BDH1: variants seen among roughly 807,000 people sequenced by gnomAD.
BDH1 encodes D-beta-hydroxybutyrate dehydrogenase, mitochondrial.
A neutral mutation model predicts 33.1 loss-of-function variants in BDH1; 30 were observed. That is an observed-to-expected ratio of 0.91 (90% CI 0.68 to 1.23). BDH1 has a LOEUF of 1.23. BDH1 is among the 50% of genes most tolerant of loss of function. The pLI, the probability that BDH1 is intolerant of heterozygous loss-of-function variation, is 0.00. For synonymous variants in BDH1, 190 were observed against 183.6 expected (o/e 1.03, Z -0.28); for missense variants, 443 against 464.4 (o/e 0.95, Z 0.42).
chr3:197,523,819 C>T lies in BDH1; in HGVS notation c.268-1038G>A, dbSNP rs1014141900. On this transcript the variant is annotated intron_variant, in intron 5 of 7. Coordinates refer to ENST00000392379, the MANE Select transcript of BDH1 (RefSeq NM_203314.3). This position sits in a 1 kb window ranked among gnomAD's most constrained non-coding sequence, Gnocchi z 4.5. Reference sequence around the variant, plus strand: ...GCTGAGGACATTCACAAGAGGGGGCCGATGGGGACGGGGCACTGTGGGAAG... The same window carrying T: ...GCTGAGGACATTCACAAGAGGGGGCTGATGGGGACGGGGCACTGTGGGAAG... 1.1e-4 allele frequency among the ~76,000 whole-genome samples: 16 copies of T among 151,980 alleles called. No homozygotes were observed. The highest frequency in any genetic ancestry group is 3.6e-4 in the African/African-American group (15 of 41,350).
rs1234253418 is a variant in BDH1, at chr3:197,516,293, C to T, written c.410-1877G>A. ...CAGCCGTTTTGTGTTTGATTCATAA[C>T]GGACAATATCCCATGACTTAAAATG... On this transcript the variant is annotated intron_variant, in intron 6 of 7. Transcript: ENST00000392379. This position sits in a 1 kb window ranked among gnomAD's most constrained non-coding sequence, Gnocchi z 4.2. Among the ~76,000 whole-genome samples the T allele has an allele frequency of 5.9e-5, 9 of 152,134 alleles. No homozygotes were observed. Among genetic ancestry groups the T allele is most frequent in the East Asian group, 3.9e-4 (2 of 5,184 alleles).
At chr3:197,552,754 T>C (rs925198926) in intron 2 of BDH1, among the ~76,000 whole-genome samples, 2 of 152,230 alleles carry the variant, frequency 1.3e-5, no homozygotes, top group African/African-American at 4.8e-5. Context: ...CTTGGCACTT[T>C]ATTACATTAT....
intron 3 of BDH1, chr3:197,534,273 T>G (rs1263105580): frequency 6.6e-6 from 1 of 152,236 alleles, no homozygotes; most frequent in Non-Finnish European, 1.5e-5. Context: ...ACAAATCTGT[T>G]CCCCATCTCT....
chr3:197,527,540 A>G (rs999972448), intron 5 of BDH1, among the ~76,000 whole-genome samples: 1 of 152,080 alleles, frequency 6.6e-6, no homozygotes, highest in African/African-American at 2.4e-5. Context: ...GCCCCCGTTC[A>G]TCTTTCCAGA....
intron 2 of BDH1, among the ~76,000 whole-genome samples, chr3:197,549,986 T>TATATATA (rs3061417): frequency 6.7e-6 from 1 of 149,492 alleles, no homozygotes; most frequent in African/African-American, 2.5e-5. Context: ...TATATATATA[T>TATATATA]TTGGCCATTC....
At chr3:197,536,929 A>G (rs1046867328) in intron 3 of BDH1, among the ~76,000 whole-genome samples, 5 of 152,054 alleles carry the variant, frequency 3.3e-5, no homozygotes, top group Admixed American at 2.0e-4. Flanking sequence ...TGTTACATCT[A>G]TTTCTCTCTT....
rs1391538872 is a variant in BDH1, at chr3:197,520,622, C to T, written c.409+2018G>A. Among the ~76,000 whole-genome samples, 1 of 152,136 alleles carries T rather than the reference C, an allele frequency of 6.6e-6. No individual in the cohort carries two copies. The highest frequency in any genetic ancestry group is 2.4e-5 in the African/African-American group (1 of 41,416). On this transcript the variant is annotated intron_variant, in intron 6 of 7. Transcript: ENST00000392379. This position sits in a 1 kb window ranked among gnomAD's most constrained non-coding sequence, Gnocchi z 6.0. ...TTGGGTCTCCGGTGATGACGCCTTT[C>T]CACGGGCATTTTAGATCACCACAAA...
intron 1 of BDH1, among the ~76,000 whole-genome samples, chr3:197,569,514 T>C (rs899409312): frequency 1.3e-5 from 2 of 152,160 alleles, no homozygotes; most frequent in African/African-American, 2.4e-5. Flanking sequence ...ATAATTCCCA[T>C]GTGTTGTGGG....
chr3:197,540,856 A>G (rs1400783861), intron 3 of BDH1, among the ~76,000 whole-genome samples: 1 of 151,868 alleles, frequency 6.6e-6, no homozygotes, highest in East Asian at 1.9e-4. Context: ...GCGCATTTCT[A>G]CTCTTCCAGA....
At chr3:197,534,027 T>G (rs992343580) in intron 3 of BDH1, 3 of 156,072 alleles carry the variant, frequency 1.9e-5, no homozygotes, top group African/African-American at 7.2e-5. Context: ...CAATCATACT[T>G]TTTATTTTGA....
intron 3 of BDH1, among the ~76,000 whole-genome samples, chr3:197,538,025 C>T (rs1715302087): frequency 6.6e-6 from 1 of 152,194 alleles, no homozygotes; most frequent in South Asian, 2.1e-4. Context: ...TGCACCATTT[C>T]TTGGGTCCTG....
chr3:197,520,301 T>C lies in BDH1; in HGVS notation c.409+2339A>G, dbSNP rs778986280. On this transcript the variant is annotated intron_variant, in intron 6 of 7. Transcript: ENST00000392379. This position sits in a 1 kb window ranked among gnomAD's most constrained non-coding sequence, Gnocchi z 6.0. Reference sequence around the variant, plus strand: ...CAAATCCTTTTCCAAAAAAAAAAAATGCAGTATCGGTTAAGGAAGTTGATG... The same window carrying C: ...CAAATCCTTTTCCAAAAAAAAAAAACGCAGTATCGGTTAAGGAAGTTGATG... Among the ~76,000 whole-genome samples, 3 of 148,392 alleles carry C rather than the reference T, an allele frequency of 2.0e-5. No individual in the cohort carries two copies. The highest frequency in any genetic ancestry group is 4.5e-5 in the Non-Finnish European group (3 of 67,290).
At chr3:197,527,884 T>C (rs1215428111) in intron 5 of BDH1, among the ~76,000 whole-genome samples, 1 of 152,140 alleles carries the variant, frequency 6.6e-6, no homozygotes, top group African/African-American at 2.4e-5. Flanking sequence ...AGCTCCAATT[T>C]ACCTTCTTGG....
Position 197,521,728 on chromosome 3 carries a change from A to C in BDH1, c.409+912T>G, listed in dbSNP as rs1369958405. On this transcript the variant is annotated intron_variant, in intron 6 of 7. Transcript: ENST00000392379. This position sits in a 1 kb window ranked among gnomAD's most constrained non-coding sequence, Gnocchi z 4.9. ...ACCTCATCCCCACATCCAAGTCACC[A>C]AGTCCAGGCAGCTTCGCCTTCTCAA... Among the ~76,000 whole-genome samples, 1 of 152,036 alleles carries C rather than the reference A, an allele frequency of 6.6e-6. No individual in the cohort carries two copies. The highest frequency in any genetic ancestry group is 1.5e-5 in the Non-Finnish European group (1 of 67,992).
chr3:197,542,504 G>A (rs1280804047), intron 3 of BDH1, among the ~76,000 whole-genome samples: 2 of 139,598 alleles, frequency 1.4e-5, no homozygotes, highest in East Asian at 2.1e-4. Flanking sequence ...TGGTCAACAC[G>A]CTTTCTTTCT....
At position 197,520,815 on chromosome 3, in the gene BDH1, C is replaced by T. The variant is rs1027065704; in HGVS notation, c.409+1825G>A. On this transcript the variant is annotated intron_variant, in intron 6 of 7. Transcript: ENST00000392379. The surrounding 1 kb of genome is among the most constrained non-coding windows in gnomAD (Gnocchi z 6.0). ...GGTTCTGAGCCGGTAATCACCCCAG[C>T]GGGACCCATCCTGCCTTTTCTTAAT... Among the ~76,000 whole-genome samples the T allele has an allele frequency of 6.6e-6, 1 of 152,146 alleles. No homozygotes were observed. Among genetic ancestry groups the T allele is most frequent in the Admixed American group, 6.5e-5 (1 of 15,280 alleles).
At chr3:197,560,289 T>C (rs1042432069), upstream of BDH1, among the ~76,000 whole-genome samples, 4 of 152,246 alleles carry the variant, frequency 2.6e-5, no homozygotes, top group Non-Finnish European at 5.9e-5. Context: ...TCCCACAATT[T>C]AGCCTAAATA....
Position 197,511,576 on chromosome 3 carries a change from A to T in BDH1, c.*319T>A. The T allele has an allele frequency of 2.8e-6, 1 of 354,776 alleles. No homozygotes were observed. The highest frequency in any genetic ancestry group is 5.1e-6 in the Non-Finnish European group (1 of 197,544). The allele number at this position is 354,776 out of a possible 1,614,324, so 22.0% of individuals were successfully genotyped here. On this transcript the variant is annotated 3_prime_UTR_variant, in exon 8 of 8. Transcript: ENST00000392379. The stretch of plus-strand genomic sequence containing the variant: ...TCCTTTTCATTCATGAGACTGGCTT[A>T]AGGATCAAATGAGATCTGTTTTTAA...
rs1713545990 is a variant in BDH1 at position 197,521,497 on chromosome 3, G to A, written c.409+1143C>T. On this transcript the variant is annotated intron_variant, in intron 6 of 7. Transcript: ENST00000392379. The surrounding 1 kb of genome is among the most constrained non-coding windows in gnomAD (Gnocchi z 4.9). ...ACTGTATCCAACCTCTCTGACAGCT[G>A]CCTCTCCCCCTCCTCTGATCCCCGA... Among the ~76,000 whole-genome samples the A allele has an allele frequency of 6.6e-6, 1 of 152,080 alleles. No individual in the cohort carries two copies. The highest frequency in any genetic ancestry group is 1.5e-5 in the Non-Finnish European group (1 of 67,994).
Sources: gnomAD v4.1 joint callset for allele counts (sites outside exome capture counted in the v4.1 genomes callset) on GRCh38, gnomAD v4.1.1 for gene constraint, Gnocchi (gnomAD v3.1) non-coding constraint, MANE v1.5 for transcripts, NCBI Gene and HGNC (gene_info 2026-07-23, HGNC 2026-07-21) for gene names.